The following TRNT1 variants were observed in gnomAD, a reference collection of about 807,000 sequenced individuals.
The protein encoded by TRNT1 is CCA tRNA nucleotidyltransferase 1, mitochondrial.
Under a neutral mutation model 45.6 loss-of-function variants are expected in TRNT1, and 44 were observed. The ratio of observed to expected loss-of-function variants is 0.97; its 90% CI spans 0.76 to 1.24. TRNT1 has a LOEUF of 1.24. TRNT1 is among the 50% of genes most tolerant of loss of function. The pLI, the probability that TRNT1 is intolerant of heterozygous loss-of-function variation, is 0.00. For synonymous variants in TRNT1, 201 were observed against 171.4 expected (o/e 1.17, Z -1.35); for missense variants, 633 against 504.4 (o/e 1.25, Z -2.44).
chr3:3,150,233 T>G (rs1706413909), downstream of TRNT1: 1 of 152,600 alleles, frequency 6.6e-6, no homozygotes, highest in South Asian at 2.1e-4. Context: ...AATACTACTT[T>G]TTACTAACAG....
downstream of TRNT1, among the ~76,000 whole-genome samples, chr3:3,151,627 A>T (rs1421096451): frequency 1.3e-5 from 2 of 152,204 alleles, no homozygotes; most frequent in Non-Finnish European, 2.9e-5. Context: ...ATACCATGCC[A>T]CATTTATTTA....
At chr3:3,130,158 A>G (rs1704919342) in intron 2 of TRNT1, 2 of 600,130 alleles carry the variant, frequency 3.3e-6, no homozygotes, top group Non-Finnish European at 5.9e-6. Context: ...CTTCATAAAT[A>G]TATTTAGTAG....
Position 3,140,557 on chromosome 3 carries a change from C to T in TRNT1, c.390C>T (p.Thr130=). The T allele has an allele frequency of 6.2e-7, 1 of 1,614,094 alleles. No homozygotes were observed. Among genetic ancestry groups the T allele is most frequent in the Non-Finnish European group, 8.5e-7 (1 of 1,180,000 alleles). ...FEITTLRIDV[T]TDGRHAEVEF... Reference sequence around the variant, plus strand: ...TTACTACACTACGGATTGATGTCACCACTGATGGAAGACATGCTGAGGTAG... The same window carrying T: ...TTACTACACTACGGATTGATGTCACTACTGATGGAAGACATGCTGAGGTAG... Residue 130 remains threonine (T), a synonymous_variant, in exon 4 of 8, where the codon ACC becomes ACT. Transcript: ENST00000251607.
rs1209137069 is a variant in TRNT1, at chr3:3,149,020, C to G, written c.*866C>G. ...CATCAGGTAAATAAAATGTATAATACAAACTGTTTATTTCAGCTGCTATAA... is the reference window on the plus strand; with the variant it reads ...CATCAGGTAAATAAAATGTATAATAGAAACTGTTTATTTCAGCTGCTATAA... On this transcript the variant is annotated 3_prime_UTR_variant, in exon 8 of 8. Transcript: ENST00000251607. 6.6e-6 allele frequency: 1 copy of G among 151,806 alleles called. No homozygotes were observed. The highest frequency in any genetic ancestry group is 1.5e-5 in the Non-Finnish European group (1 of 67,918). The allele number at this position is 151,806 out of a possible 1,614,324, so 9.4% of individuals were successfully genotyped here.
chr3:3,145,612 T>TA (rs990973751), intron 5 of TRNT1: 6 of 152,106 alleles, frequency 3.9e-5, no homozygotes, highest in African/African-American at 1.4e-4. Flanking sequence ...CTAACCTTTT[T>TA]AAAAAACTAT....
chr3:3,130,255 C>G, intron 2 of TRNT1: 1 of 335,744 alleles, frequency 3.0e-6, no homozygotes. Context: ...CGGGTTCTAC[C>G]TGCAGCCTAC....
In TRNT1 at chr3:3,147,600, AGGAGAAAAACCTT is replaced by A; in HGVS notation, c.956_968del (p.Glu319AlafsTer4). The A allele has an allele frequency of 6.2e-7, 1 of 1,613,998 alleles. No homozygotes were observed. The highest frequency in any genetic ancestry group is 1.3e-5 in the African/African-American group (1 of 75,046). The stretch of plus-strand genomic sequence containing the variant: ...GATTTGAGGTTGAAGATCGCAAAAG[AGGAGAAAAACCTT>A]GGCTTATTTATAGTTAAAAATAGGA... On this transcript the variant is annotated frameshift_variant, in exon 7 of 8. Coordinates refer to ENST00000251607, the MANE Select transcript of TRNT1 (RefSeq NM_182916.3). LOFTEE classifies it high-confidence loss of function.
intron 4 of TRNT1, 100 bp from the exon 5 acceptor site, chr3:3,144,484 T>C (rs891234971): frequency 1.6e-5 from 19 of 1,189,116 alleles, no homozygotes; most frequent in Non-Finnish European, 2.3e-5. Flanking sequence ...TTCACTCTGC[T>C]GAATTTTTAC....
chr3:3,141,340 TACAC>T (rs138920037), intron 4 of TRNT1, among the ~76,000 whole-genome samples: 70 of 151,894 alleles, frequency 4.6e-4, no homozygotes, highest in African/African-American at 1.7e-3. Context: ...CACACACATC[TACAC>T]ACACACACAC....
intron 2 of TRNT1, among the ~76,000 whole-genome samples, chr3:3,132,748 A>AC (rs372711227): frequency 4.6e-5 from 4 of 87,448 alleles, no homozygotes; most frequent in African/African-American, 1.4e-4. Flanking sequence ...AAAAAAACAC[A>AC]AAAAAAAAAC....
chr3:3,148,089 C>T lies in TRNT1; in HGVS notation c.1240C>T (p.Gln414Ter), dbSNP rs764603508. ...GGCTCTATTACAACAGTTGCGAGAA[C>T]AGTGGAAAAAAAGTGGTTACCAAAT... The part of the protein sequence containing the change: ...IGALLQQLRE[Q>*]WKKSGYQMEK... The change falls in exon 8 of 8, where the codon CAG (glutamine) becomes TAG (stop). Residue 414 changes from glutamine (Q) to a stop codon, truncating the protein, a stop_gained. Transcript: ENST00000251607. LOFTEE classifies it high-confidence loss of function. 2.5e-6 allele frequency: 4 copies of T among 1,613,728 alleles called. No homozygotes were observed. Among genetic ancestry groups the T allele is most frequent in the Non-Finnish European group, 3.4e-6 (4 of 1,179,764 alleles).
rs148398677 is a variant in TRNT1, at chr3:3,140,550, A to G, written c.383A>G (p.Asp128Gly). ...ENFEITTLRI[D>G]VTTDGRHAEV... ...TTTGAGATTACTACACTACGGATTG[A>G]TGTCACCACTGATGGAAGACATGCT... The change falls in exon 4 of 8, where the codon GAT becomes GGT. Residue 128 changes from aspartate (D) to glycine (G), a missense_variant. Coordinates refer to ENST00000251607, the MANE Select transcript of TRNT1 (RefSeq NM_182916.3). 342 of 1,614,062 alleles carry G rather than the reference A, an allele frequency of 2.1e-4. No individual in the cohort carries two copies. Among genetic ancestry groups the G allele is most frequent in the Non-Finnish European group, 2.8e-4 (325 of 1,180,028 alleles).
chr3:3,144,642 A>G lies in TRNT1; in HGVS notation c.540A>G (p.Lys180=). 6.3e-7 allele frequency: 1 copy of G among 1,586,394 alleles called. No homozygotes were observed. The highest frequency in any genetic ancestry group is 8.6e-7 in the Non-Finnish European group (1 of 1,159,448). ...FNGYEDLKNK[K]VRFVGHAKQR... is the part of the protein sequence containing the mutation. ...GTTATGAAGATTTAAAAAATAAGAA[A>G]GTTAGATTTGTTGGACATGCTAAAC... The change falls in exon 5 of 8, where the codon AAA becomes AAG. Residue 180 remains lysine (K), a synonymous_variant. Transcript: ENST00000251607.
chr3:3,148,168 TA>T lies in TRNT1; in HGVS notation c.*19del, dbSNP rs780588029. The T allele has an allele frequency of 6.2e-7, 1 of 1,609,178 alleles. No homozygotes were observed. Among genetic ancestry groups the T allele is most frequent in the East Asian group, 2.2e-5 (1 of 44,824 alleles). On this transcript the variant is annotated 3_prime_UTR_variant, in exon 8 of 8. Coordinates refer to ENST00000251607, the MANE Select transcript of TRNT1 (RefSeq NM_182916.3). ...AAGAAGACCTAAAACTGATGGCTAC[TA>T]AAAAGCAGAGCATTTCTGGTAAGAC...
chr3:3,141,495 A>G (rs1705653126), intron 4 of TRNT1, among the ~76,000 whole-genome samples: 1 of 152,174 alleles, frequency 6.6e-6, no homozygotes, highest in South Asian at 2.1e-4. Context: ...CTTTTTTAGC[A>G]TTGTATTCTA....
In TRNT1 at chr3:3,149,005, A is replaced by G. The variant is rs1478734807; in HGVS notation, c.*851A>G. ...AGTCCTAAATGCTTTCATCAGGTAA[A>G]TAAAATGTATAATACAAACTGTTTA... On this transcript the variant is annotated 3_prime_UTR_variant, in exon 8 of 8. Coordinates refer to ENST00000251607, the MANE Select transcript of TRNT1 (RefSeq NM_182916.3). 1 of 147,730 alleles carries G rather than the reference A, an allele frequency of 6.8e-6. No individual in the cohort carries two copies. The highest frequency in any genetic ancestry group is 1.9e-4 in the East Asian group (1 of 5,142). 9.2% of individuals were successfully genotyped at this position (147,730 alleles called of 1,614,324 possible).
downstream of TRNT1, chr3:3,150,856 C>T: frequency 3.7e-6 from 6 of 1,612,106 alleles, no homozygotes; most frequent in Non-Finnish European, 5.1e-6. Flanking sequence ...TTATCTCTAT[C>T]ACATCTGTTT....
At position 3,148,238 on chromosome 3, in the gene TRNT1, C is replaced by A. The variant is rs370590725; in HGVS notation, c.*84C>A. ...TCTTAATGAGGTTTTAGAGACTACA[C>A]CAGAATAAAAGACAGTTTAGGGGAC... is the stretch of plus-strand genomic sequence containing the variant. On this transcript the variant is annotated 3_prime_UTR_variant, in exon 8 of 8. Transcript: ENST00000251607. The A allele has an allele frequency of 2.0e-6, 3 of 1,470,066 alleles. No homozygotes were observed. Among genetic ancestry groups the A allele is most frequent in the Non-Finnish European group, 1.8e-6 (2 of 1,088,548 alleles). 91.1% of individuals were successfully genotyped at this position (1,470,066 alleles called of 1,614,324 possible).
chr3:3,147,154 GA>G (rs1233902403), intron 6 of TRNT1, among the ~76,000 whole-genome samples: 1 of 152,088 alleles, frequency 6.6e-6, no homozygotes, highest in African/African-American at 2.4e-5. Context: ...GTAAAGTCAG[GA>G]ATTTGTGATT....
Sources: gnomAD v4.1 joint callset for allele counts (sites outside exome capture counted in the v4.1 genomes callset) on GRCh38, gnomAD v4.1.1 for gene constraint, MANE v1.5 for transcripts, NCBI Gene and HGNC (gene_info 2026-07-23, HGNC 2026-07-21) for gene names.